The following MED24 variants were observed in gnomAD, a reference collection of about 807,000 sequenced individuals.
MED24 encodes mediator complex subunit 24, also known as mediator of RNA polymerase II transcription subunit 24.
MED24 carries 74 observed loss-of-function variants against 118.8 expected under a neutral mutation model. The observed-to-expected ratio is 0.62, with a 90% CI of 0.52 to 0.76. The LOEUF is 0.76. Among genes scored for constraint, MED24 ranks in the 30% least tolerant of loss-of-function variants. MED24 has a pLI of 0.00. For synonymous variants in MED24, 521 were observed against 523.9 expected (o/e 0.99, Z 0.08); for missense variants, 1,041 against 1,278.9 (o/e 0.81, Z 2.84).
chr17:40,033,643 C>G lies in MED24; in HGVS notation c.560-187G>C. 1.4e-6 allele frequency: 1 copy of G among 697,134 alleles called. No homozygotes were observed. The highest frequency in any genetic ancestry group is 2.3e-4 in the Middle Eastern group (1 of 4,346). 43.2% of individuals were successfully genotyped at this position (697,134 alleles called of 1,614,324 possible). A position where few individuals can be genotyped will look rare whatever the true frequency, so the allele number is the denominator to read the frequency against. On this transcript the variant is annotated intron_variant, in intron 6 of 25. Coordinates refer to ENST00000394128, the MANE Select transcript of MED24 (RefSeq NM_014815.4). This position sits in a 1 kb window ranked among gnomAD's most constrained non-coding sequence, Gnocchi z 5.2. ...CTGTTTCCAGAAGGGGGGTGGGCAC[C>G]TAGAGCTGGAAACCCCAGAGACCAT...
chr17:40,032,264 T>C (rs1202050957), intron 9 of MED24, 174 bp from the exon 10 acceptor site: 2 of 705,102 alleles, frequency 2.8e-6, no homozygotes, highest in Non-Finnish European at 4.7e-6. Context: ...CCCAGGCCCC[T>C]GATGCCCCCA....
Position 40,033,574 on chromosome 17 carries a change from C to A in MED24, c.560-118G>T. The A allele has an allele frequency of 1.2e-6, 1 of 813,292 alleles. No individual in the cohort carries two copies. The highest frequency in any genetic ancestry group is 2.7e-5 in the East Asian group (1 of 37,674). The allele number at this position is 813,292 out of a possible 1,614,324, so 50.4% of individuals were successfully genotyped here. On this transcript the variant is annotated intron_variant, in intron 6 of 25. Coordinates refer to ENST00000394128, the MANE Select transcript of MED24 (RefSeq NM_014815.4). The surrounding 1 kb of genome is among the most constrained non-coding windows in gnomAD (Gnocchi z 5.2). Reference sequence around the variant, plus strand: ...CACACGAAACCACACAGGAAGGCTTCCCCTGAGGACAACAGGGAGGGAGGG... The same window carrying A: ...CACACGAAACCACACAGGAAGGCTTACCCTGAGGACAACAGGGAGGGAGGG...
intron 14 of MED24, among the ~76,000 whole-genome samples, chr17:40,028,487 T>C (rs1341133896): frequency 6.6e-6 from 1 of 152,204 alleles, no homozygotes; most frequent in Non-Finnish European, 1.5e-5. Flanking sequence ...GTTCTATATA[T>C]GTCAAATTCC....
Position 40,019,835 on chromosome 17 carries a change from G to A in MED24, c.2803C>T (p.Leu935=), listed in dbSNP as rs549199102. The change falls in exon 25 of 26, where the codon CTG becomes TTG. Residue 935 remains leucine, a synonymous_variant. Coordinates refer to ENST00000394128, the MANE Select transcript of MED24 (RefSeq NM_014815.4). Reference sequence around the variant, plus strand: ...ACGCTGCCACGGCCACCCTGCTCCAGGCAGTCCACACACTCCTCCATGAAC... The same window carrying A: ...ACGCTGCCACGGCCACCCTGCTCCAAGCAGTCCACACACTCCTCCATGAAC... ...QWFMEECVDC[L]EQGGRGSVLQ... The A allele has an allele frequency of 8.1e-6, 13 of 1,601,034 alleles. No homozygotes were observed. The highest frequency in any genetic ancestry group is 6.8e-5 in the East Asian group (3 of 44,426).
chr17:40,027,193 C>G (rs1205261465), intron 16 of MED24, 159 bp from the exon 17 acceptor site: 5 of 1,100,974 alleles, frequency 4.5e-6, no homozygotes, highest in Middle Eastern at 2.9e-4. Context: ...GGCAATGCTG[C>G]CACCTAGTGG....
Position 40,027,910 on chromosome 17 carries a change from G to A in MED24, c.1446C>T (p.Ser482=). ...NEFTTYGSEE[S]TKPASVRALL... ...TGCGGATGCACAGGGCTGACTTACTGCTTTCTTCGCTGCCATAGGTTGTGA... is the reference window on the plus strand; with the variant it reads ...TGCGGATGCACAGGGCTGACTTACTACTTTCTTCGCTGCCATAGGTTGTGA... The change falls in exon 15 of 26, where the codon AGC becomes AGT. Residue 482 remains serine, a splice_region_variant and synonymous_variant. Coordinates refer to ENST00000394128, the MANE Select transcript of MED24 (RefSeq NM_014815.4). The A allele has an allele frequency of 6.2e-7, 1 of 1,613,440 alleles. No homozygotes were observed. The highest frequency in any genetic ancestry group is 8.5e-7 in the Non-Finnish European group (1 of 1,179,906).
intron 23 of MED24, 128 bp from the exon 24 acceptor site, chr17:40,020,481 C>T: frequency 1.3e-6 from 2 of 1,540,636 alleles, no homozygotes; most frequent in South Asian, 2.4e-5. Flanking sequence ...CCAGAGAAGA[C>T]CCTGAGATCA....
At chr17:40,032,886 G>A (rs953852894) in intron 8 of MED24, 124 bp from the exon 9 acceptor site, 85 of 1,311,464 alleles carry the variant, frequency 6.5e-5, no homozygotes, top group Non-Finnish European at 9.0e-5. Flanking sequence ...TATGTGCTGA[G>A]AACCAGGGGA....
At position 40,026,904 on chromosome 17, in the gene MED24, A is replaced by C; in HGVS notation, c.1661T>G (p.Val554Gly). Reference sequence around the variant, plus strand: ...GTTGAGCAGGGCCACCAGGGACTCCACTTTGGTGGAGTCGGGGCGGAAGCA... The same window carrying C: ...GTTGAGCAGGGCCACCAGGGACTCCCCTTTGGTGGAGTCGGGGCGGAAGCA... ...HPCFRPDSTK[V>G]ESLVALLNNS... Residue 554 changes from valine (V) to glycine (G), a missense_variant, in exon 17 of 26, where the codon GTG becomes GGG. Val to Gly is a moderately radical substitution (Grantham distance 109). Coordinates refer to ENST00000394128, the MANE Select transcript of MED24 (RefSeq NM_014815.4). 6.2e-7 allele frequency: 1 copy of C among 1,613,890 alleles called. No individual in the cohort carries two copies. Among genetic ancestry groups the C allele is most frequent in the South Asian group, 1.1e-5 (1 of 91,082 alleles).
rs201206358 is a variant in MED24 at position 40,022,790 on chromosome 17, G to A, written c.2287C>T (p.Arg763Trp). 1.3e-4 allele frequency: 203 copies of A among 1,613,542 alleles called. No homozygotes were observed. Among genetic ancestry groups the A allele is most frequent in the Admixed American group, 1.5e-4 (9 of 59,980 alleles). Residue 763 changes from arginine to tryptophan, a missense_variant, in exon 21 of 26, where the codon CGG becomes TGG. Arg to Trp is a moderately radical substitution (Grantham distance 101). Transcript: ENST00000394128. ...LKETRKEHTL[R>W]AVELLYSIFC... is the part of the protein sequence containing the mutation. Reference sequence around the variant, plus strand: ...ATGGAGTAGAGCAGCTCCACTGCCCGCAGCGTGTGCTCCTTCCGCGTCTCC... The same window carrying A: ...ATGGAGTAGAGCAGCTCCACTGCCCACAGCGTGTGCTCCTTCCGCGTCTCC...
At position 40,023,317 on chromosome 17, in the gene MED24, G is replaced by C; in HGVS notation, c.2064C>G (p.Pro688=). 1 of 1,614,040 alleles carries C rather than the reference G, an allele frequency of 6.2e-7. No homozygotes were observed. The highest frequency in any genetic ancestry group is 2.2e-5 in the East Asian group (1 of 44,876). ...LQQTATQIKF[P]STGVDTMPYW... Reference sequence around the variant, plus strand: ...AGGGCATTGTGTCCACCCCGGTGGAGGGAAACTTGATCTGCGTGGCTGTCT... The same window carrying C: ...AGGGCATTGTGTCCACCCCGGTGGACGGAAACTTGATCTGCGTGGCTGTCT... Residue 688 remains proline, a synonymous_variant, in exon 20 of 26, where the codon CCC becomes CCG. Transcript: ENST00000394128.
intron 16 of MED24, 155 bp downstream of exon 16, chr17:40,027,228 T>C: frequency 9.2e-7 from 1 of 1,081,366 alleles, no homozygotes; most frequent in Non-Finnish European, 1.3e-6. Context: ...GGGCTGAAGG[T>C]GCCTCTACGG....
chr17:40,027,094 G>A, intron 16 of MED24, 60 bp from the exon 17 acceptor site: 1 of 1,577,940 alleles, frequency 6.3e-7, no homozygotes, highest in South Asian at 1.1e-5. Context: ...TGCCAGCGCT[G>A]GACCTGGGGC....
chr17:40,022,947 C>T (rs1046668171), intron 20 of MED24, 121 bp from the exon 21 acceptor site: 112 of 1,356,478 alleles, frequency 8.3e-5, no homozygotes, highest in Non-Finnish European at 1.0e-4. Flanking sequence ...GATGTTGCTC[C>T]GCCCCTCAGG....
chr17:40,031,379 G>A, intron 11 of MED24, 134 bp from the exon 12 acceptor site: 1 of 1,203,420 alleles, frequency 8.3e-7, no homozygotes, highest in Non-Finnish European at 1.2e-6. Flanking sequence ...GACGGTAGAG[G>A]GGCTCTGGGG....
chr17:40,052,719 C>T (rs1985985840), intron 3 of MED24, among the ~76,000 whole-genome samples: 1 of 151,554 alleles, frequency 6.6e-6, no homozygotes, highest in African/African-American at 2.4e-5. Context: ...CTCCTACCTC[C>T]ACCTTCTGAG....
rs776726248 is a variant in MED24 at position 40,027,478 on chromosome 17, G to A, written c.1448-13C>T. ...GAGGCCGGTTTGGCTGTGGAAGGAC[G>A]GGAAGGCTGAGCTCCCAGACGAGGG... On this transcript the variant is annotated splice_polypyrimidine_tract_variant and intron_variant, in intron 15 of 25. Transcript: ENST00000394128. 43 of 1,605,516 alleles carry A rather than the reference G, an allele frequency of 2.7e-5. 1 individual carries two copies. The highest frequency in any genetic ancestry group is 5.1e-5 in the Admixed American group (3 of 58,934).
chr17:40,023,532 T>TGGGGGACGGTATA, intron 19 of MED24, 137 bp from the exon 20 acceptor site: 1 of 825,196 alleles, frequency 1.2e-6, no homozygotes, highest in Non-Finnish European at 1.9e-6. Flanking sequence ...AGTTTTGCGC[T>TGGGGGACGGTATA]GGGGGACGGT....
At position 40,033,379 on chromosome 17, in the gene MED24, T is replaced by C. The variant is rs1033133289; in HGVS notation, c.637A>G (p.Ser213Gly). 5 of 1,612,546 alleles carry C rather than the reference T, an allele frequency of 3.1e-6. No individual in the cohort carries two copies. In the African/African-American group the frequency reaches 6.7e-5, roughly 22 times the overall value. Residue 213 changes from serine (S) to glycine (G), a missense_variant, in exon 7 of 26, where the codon AGT becomes GGT. This residue lies in a region of MED24 where 434 missense variants were observed against 514.9 expected (regional missense o/e 0.84). Transcript: ENST00000394128. The surrounding 1 kb of genome is among the most constrained non-coding windows in gnomAD (Gnocchi z 5.2). The stretch of plus-strand genomic sequence containing the variant: ...AGGGTGCCACACTGCTCGGCCTGAC[T>C]CCGGAGCTGCGGGTTGCTGAGATTG... Reference protein sequence around the residue: ...LANLSNPQLRSQAEQCGTLIR... With the variant: ...LANLSNPQLRGQAEQCGTLIR...
Sources: gnomAD v4.1 joint callset for allele counts (sites outside exome capture counted in the v4.1 genomes callset) on GRCh38, gnomAD v4.1.1 for gene constraint, gnomAD v4.1.1 regional missense constraint, Gnocchi (gnomAD v3.1) non-coding constraint, MANE v1.5 for transcripts, NCBI Gene and HGNC (gene_info 2026-07-23, HGNC 2026-07-21) for gene names.